ADAP1: variants seen among roughly 807,000 people sequenced by gnomAD.
The protein encoded by ADAP1 is arf-GAP with dual PH domain-containing protein 1.
ADAP1 carries 31 observed loss-of-function variants against 54.9 expected under a neutral mutation model. The ratio of observed to expected loss-of-function variants is 0.56; its 90% CI spans 0.42 to 0.76. The LOEUF is 0.76. Among genes scored for constraint, ADAP1 ranks in the 30% least tolerant of loss-of-function variants. The probability of loss-of-function intolerance (pLI) is 0.00; values close to 1 mark genes in which losing one functional copy is unlikely to be tolerated. For synonymous variants in ADAP1, 313 were observed against 202.6 expected (o/e 1.55, Z -4.63); for missense variants, 535 against 512.4 (o/e 1.04, Z -0.42).
intron 1 of ADAP1, among the ~76,000 whole-genome samples, chr7:944,920 G>C (rs1444779915): frequency 6.6e-6 from 1 of 152,142 alleles, no homozygotes; most frequent in Non-Finnish European, 1.5e-5. Context: ...GTGACTCTGG[G>C]TGACTCTGGG....
chr7:928,673 C>A (rs1846467251), intron 2 of ADAP1, among the ~76,000 whole-genome samples: 1 of 152,238 alleles, frequency 6.6e-6, no homozygotes, highest in South Asian at 2.1e-4. Flanking sequence ...CACCTCTCCC[C>A]ACTAGGATGG....
chr7:913,902 C>G (rs558083316), intron 4 of ADAP1, among the ~76,000 whole-genome samples: 1 of 152,138 alleles, frequency 6.6e-6, no homozygotes, highest in Non-Finnish European at 1.5e-5. Flanking sequence ...ACCATTGCAC[C>G]GCAGCCTGGG....
chr7:903,858 C>T lies in ADAP1; in HGVS notation c.648+268G>A, dbSNP rs539979960. ...CCAAGCTGGGTGGCCCCAGAGACAGCGTGGTGATCCGGCTCCTGGGCAGCC... is the reference window on the plus strand; with the variant it reads ...CCAAGCTGGGTGGCCCCAGAGACAGTGTGGTGATCCGGCTCCTGGGCAGCC... On this transcript the variant is annotated intron_variant, in intron 6 of 10. Transcript: ENST00000265846. 621 of 407,330 alleles carry T rather than the reference C, an allele frequency of 1.5e-3. 4 individuals carry two copies. Among genetic ancestry groups the T allele is most frequent in the Middle Eastern group, 0.015 (21 of 1,400 alleles). 25.2% of individuals were successfully genotyped at this position (407,330 alleles called of 1,614,324 possible). A position where few individuals can be genotyped will look rare whatever the true frequency, so the allele number is the denominator to read the frequency against.
Position 946,507 on chromosome 7 carries a change from C to T in ADAP1, c.82+7889G>A, listed in dbSNP as rs1419951359. Among the ~76,000 whole-genome samples, 1 of 152,224 alleles carries T rather than the reference C, an allele frequency of 6.6e-6. No homozygotes were observed. On this transcript the variant is annotated intron_variant, in intron 1 of 10. Transcript: ENST00000265846. This position sits in a 1 kb window ranked among gnomAD's most constrained non-coding sequence, Gnocchi z 4.3. The stretch of plus-strand genomic sequence containing the variant: ...TGGATCCCTCCCAGCAGCACCCGGA[C>T]ACAGTCCATTTTCAGAATCCCCCAA...
chr7:935,380 C>T lies in ADAP1; in HGVS notation c.208G>A (p.Val70Met). The T allele has an allele frequency of 6.4e-7, 1 of 1,558,936 alleles. No homozygotes were observed. The highest frequency in any genetic ancestry group is 8.7e-7 in the Non-Finnish European group (1 of 1,151,400). The change falls in exon 2 of 11, where the codon GTG (valine) becomes ATG (methionine). Residue 70 changes from valine (V) to methionine (M), a missense_variant. Transcript: ENST00000265846. ...CCGCCCCTCCCCCTCCGTACCTCCA[C>T]TTGGGCCTCCTCCCAGGCGTCCAGG... ...VRLDAWEEAQVEFMASHGNDA... is the reference protein window; with the variant it reads ...VRLDAWEEAQMEFMASHGNDA...
intron 4 of ADAP1, among the ~76,000 whole-genome samples, chr7:906,751 GACAT>G (rs1845451553): frequency 1.1e-4 from 3 of 26,644 alleles, no homozygotes; most frequent in Admixed American, 4.0e-4. Context: ...GTACATAGGG[GACAT>G]GGACAGGGGA....
rs1156318912 is a variant in ADAP1 at position 898,006 on chromosome 7, C to G, written c.*915G>C. On this transcript the variant is annotated 3_prime_UTR_variant, in exon 11 of 11. Coordinates refer to ENST00000265846, the MANE Select transcript of ADAP1 (RefSeq NM_006869.4). ...CTATGAGGGCTTGTCCAGGGCTCCC[C>G]TGGAACACAGCTCAGCCAGGCAAGG... is the stretch of plus-strand genomic sequence containing the variant. 6.6e-6 allele frequency: 1 copy of G among 152,230 alleles called. No homozygotes were observed. The highest frequency in any genetic ancestry group is 2.4e-5 in the African/African-American group (1 of 41,456). 9.4% of individuals were successfully genotyped at this position (152,230 alleles called of 1,614,324 possible). A position where few individuals can be genotyped will look rare whatever the true frequency, so the allele number is the denominator to read the frequency against.
chr7:905,292 C>G (rs28533260), intron 4 of ADAP1, 120 bp from the exon 5 acceptor site: 32,998 of 275,568 alleles, frequency 0.12, 4,915 homozygotes, highest in African/African-American at 0.41. Context: ...GGACGGGGGA[C>G]ACGGACAGGG....
chr7:916,329 T>C (rs889558941), intron 4 of ADAP1, among the ~76,000 whole-genome samples: 1 of 152,188 alleles, frequency 6.6e-6, no homozygotes, highest in African/African-American at 2.4e-5. Context: ...GATCAAGCTG[T>C]GCCCTGTTAT....
intron 1 of ADAP1, among the ~76,000 whole-genome samples, chr7:949,841 G>C (rs1020193069): frequency 1.3e-5 from 2 of 152,234 alleles, no homozygotes; most frequent in Non-Finnish European, 2.9e-5. Context: ...GTGACCTGCT[G>C]GCCTGTGGCT....
chr7:940,784 G>A (rs891206274), intron 1 of ADAP1, among the ~76,000 whole-genome samples: 2 of 152,196 alleles, frequency 1.3e-5, no homozygotes, highest in Admixed American at 6.5e-5. Context: ...ATGATCAACA[G>A]GGGTTTTTAC....
chr7:935,674 C>CCCCA (rs1445022814), intron 1 of ADAP1, among the ~76,000 whole-genome samples, 169 bp from the exon 2 acceptor site: 1 of 151,192 alleles, frequency 6.6e-6, no homozygotes, highest in Non-Finnish European at 1.5e-5. Context: ...CCCCAGCTCC[C>CCCCA]CCCCCGCCCT....
At chr7:954,351 CACCCCGGACCCACCCG>C in intron 1 of ADAP1, 29 bp downstream of exon 1, 2 of 1,014,230 alleles carry the variant, frequency 2.0e-6, no homozygotes, top group Non-Finnish European at 2.4e-6. Flanking sequence ...ACCCCGCGCC[CACCCCGGACCCACCCG>C]GCCCCGCGCC....
chr7:899,884 G>A (rs1844700717), intron 8 of ADAP1, among the ~76,000 whole-genome samples: 1 of 152,230 alleles, frequency 6.6e-6, no homozygotes, highest in South Asian at 2.1e-4. Context: ...GGGTGAGGAA[G>A]CTGGTCAGAC....
In ADAP1 at chr7:905,177, G is replaced by GGGGGAAAGGGGACACGAGTC. The variant is rs758307471; in HGVS notation, c.389-25_389-6dup. 1.2e-6 allele frequency: 2 copies of GGGGGAAAGGGGACACGAGTC among 1,609,910 alleles called. No individual in the cohort carries two copies. Among genetic ancestry groups the GGGGGAAAGGGGACACGAGTC allele is most frequent in the Non-Finnish European group, 1.7e-6 (2 of 1,178,912 alleles). Reference sequence around the variant, plus strand: ...AGAGAAAACCCTCACGGTACCCTGTGGGGGAAAGGGGACACGAGTCGGTGA... The same window carrying GGGGGAAAGGGGACACGAGTC: ...AGAGAAAACCCTCACGGTACCCTGTGGGGGAAAGGGGACACGAGTCGGGGAAAGGGGACACGAGTCGGTGA... On this transcript the variant is annotated splice_region_variant and splice_polypyrimidine_tract_variant and intron_variant, in intron 4 of 10. Transcript: ENST00000265846.
rs1355636236 is a variant in ADAP1 at position 905,295 on chromosome 7, GGACA to G, written c.389-127_389-124del. 29 of 360,210 alleles carry G rather than the reference GGACA, an allele frequency of 8.1e-5. 2 individuals carry two copies. In the African/African-American group the frequency reaches 1.5e-3, roughly 19 times the overall value. 22.3% of individuals were successfully genotyped at this position (360,210 alleles called of 1,614,324 possible). ...CACGGGGGACACGGACGGGGGACACGGACAGGGGGAGACGGACGGGGAGAGGGGA... is the reference window on the plus strand; with the variant it reads ...CACGGGGGACACGGACGGGGGACACGGGGGGAGACGGACGGGGAGAGGGGA... On this transcript the variant is annotated intron_variant, in intron 4 of 10. Transcript: ENST00000265846.
At chr7:906,678 C>G (rs1240442564) in intron 4 of ADAP1, among the ~76,000 whole-genome samples, 6 of 69,876 alleles carry the variant, frequency 8.6e-5, no homozygotes, top group East Asian at 9.7e-4. Context: ...GGGACATGGA[C>G]AGGGGACACG....
chr7:938,702 G>A lies in ADAP1; in HGVS notation c.83-3197C>T, dbSNP rs1009585766. On this transcript the variant is annotated intron_variant, in intron 1 of 10. Coordinates refer to ENST00000265846, the MANE Select transcript of ADAP1 (RefSeq NM_006869.4). The surrounding 1 kb of genome is among the most constrained non-coding windows in gnomAD (Gnocchi z 4.4). ...TCATCTGTCGGATGGGACAGCACGA[G>A]CCACTTACAGGGGTAGCAGGCAACA... Among the ~76,000 whole-genome samples the A allele has an allele frequency of 6.6e-6, 1 of 152,240 alleles. No individual in the cohort carries two copies. Among genetic ancestry groups the A allele is most frequent in the Non-Finnish European group, 1.5e-5 (1 of 68,042 alleles).
At chr7:910,692 T>C (rs1845687396) in intron 4 of ADAP1, among the ~76,000 whole-genome samples, 2 of 152,228 alleles carry the variant, frequency 1.3e-5, no homozygotes, top group Non-Finnish European at 2.9e-5. Flanking sequence ...GGCCCTGCTC[T>C]GAGTGACAGC....
Sources: allele counts gnomAD v4.1 joint callset (sites outside exome capture counted in the v4.1 genomes callset), GRCh38; gene constraint gnomAD v4.1.1; non-coding constraint Gnocchi (gnomAD v3.1); transcripts MANE v1.5; gene names NCBI Gene and HGNC (gene_info 2026-07-23, HGNC 2026-07-21).